The following ACKR5 variants were observed in gnomAD, a reference collection of about 807,000 sequenced individuals.
ACKR5 encodes atypical chemokine receptor 5, also known as G protein-coupled receptor 182.
At chr12:56,994,837 G>C in the ACKR5 span, among the ~76,000 whole-genome samples, 1 of 151,802 alleles carries the variant, frequency 6.6e-6, no homozygotes, top group South Asian at 2.1e-4. Context: ...CAAAAGGGCT[G>C]AGGAATGAAG....
the ACKR5 span, chr12:56,996,814 T>A: frequency 1.1e-5 from 2 of 181,012 alleles, no homozygotes; most frequent in African/African-American, 4.7e-5. Flanking sequence ...CAGTGAACTC[T>A]GCAGGAACCT....
At chr12:56,995,466 G>T in the ACKR5 span, 2 of 1,614,060 alleles carry the variant, frequency 1.2e-6, no homozygotes, top group East Asian at 4.5e-5. This position sits in a 1 kb window ranked among gnomAD's most constrained non-coding sequence, Gnocchi z 4.7. Context: ...GGCCGGGCAG[G>T]GCTGATGAAC....
the ACKR5 span, chr12:56,996,491 G>C: frequency 2.8e-6 from 4 of 1,444,636 alleles, no homozygotes; most frequent in Non-Finnish European, 3.7e-6. Flanking sequence ...GGGAGATTTG[G>C]GGGGATGTAG....
the ACKR5 span, chr12:56,998,139 C>A: frequency 6.6e-6 from 1 of 152,240 alleles, no homozygotes; most frequent in Non-Finnish European, 1.5e-5. Flanking sequence ...CTGACTTGGG[C>A]TACAGGAGTT....
the ACKR5 span, chr12:56,996,367 C>T: frequency 2.5e-6 from 4 of 1,611,152 alleles, no homozygotes; most frequent in East Asian, 2.2e-5. Flanking sequence ...TTCAGGCACA[C>T]CATTTGCTTC....
the ACKR5 span, chr12:56,998,753 T>C: frequency 6.6e-6 from 1 of 152,610 alleles, no homozygotes; most frequent in Non-Finnish European, 1.5e-5. Flanking sequence ...TGGGCAGAAA[T>C]GTGCTGCTGA....
the ACKR5 span, chr12:56,995,903 CCT>C: frequency 6.2e-7 from 1 of 1,612,598 alleles, no homozygotes. This position sits in a 1 kb window ranked among gnomAD's most constrained non-coding sequence, Gnocchi z 4.7. Context: ...GCTGCCCTTC[CCT>C]CTCATCACAG....
chr12:56,996,527 C>T, the ACKR5 span: 1 of 1,016,760 alleles, frequency 9.8e-7, no homozygotes, highest in Non-Finnish European at 1.4e-6. Flanking sequence ...CACTCGTGGT[C>T]AATTTTGAAT....
At chr12:56,995,850 GGGCCCTGGCGGT>G in the ACKR5 span, 1 of 1,613,368 alleles carries the variant, frequency 6.2e-7, no homozygotes, top group South Asian at 1.1e-5. This position sits in a 1 kb window ranked among gnomAD's most constrained non-coding sequence, Gnocchi z 4.7. Flanking sequence ...TACAGCACCT[GGGCCCTGGCGGT>G]GGCCCTGTCC....
the ACKR5 span, chr12:56,995,870 T>A: frequency 1.2e-6 from 2 of 1,612,164 alleles, no homozygotes; most frequent in South Asian, 1.1e-5. The surrounding 1 kb of genome is among the most constrained non-coding windows in gnomAD (Gnocchi z 4.7). Flanking sequence ...GGTGGCCCTG[T>A]CCACCACCAT....
the ACKR5 span, chr12:56,995,527 G>A: frequency 9.3e-6 from 15 of 1,614,032 alleles, no homozygotes; most frequent in Non-Finnish European, 1.3e-5. The surrounding 1 kb of genome is among the most constrained non-coding windows in gnomAD (Gnocchi z 4.7). Context: ...TCCTGTCTCT[G>A]CCCGTGTGGA....
the ACKR5 span, chr12:56,995,206 C>T: frequency 4.3e-6 from 7 of 1,610,726 alleles, no homozygotes; most frequent in Non-Finnish European, 5.9e-6. This position sits in a 1 kb window ranked among gnomAD's most constrained non-coding sequence, Gnocchi z 4.7. Context: ...GTGTGCTGGT[C>T]CCAATGTCAG....
At chr12:56,996,095 C>T in the ACKR5 span, 18 of 1,613,512 alleles carry the variant, frequency 1.1e-5, no homozygotes, top group Non-Finnish European at 8.5e-7. Flanking sequence ...CCACCTGGTC[C>T]ACCTGCTCTA....
the ACKR5 span, chr12:56,995,396 A>G: frequency 6.2e-7 from 1 of 1,614,184 alleles, no homozygotes; most frequent in East Asian, 2.2e-5. This position sits in a 1 kb window ranked among gnomAD's most constrained non-coding sequence, Gnocchi z 4.7. Flanking sequence ...CTACCTGGCC[A>G]TGTTTGTGGT....
At chr12:56,996,448 A>G in the ACKR5 span, 3 of 1,538,658 alleles carry the variant, frequency 1.9e-6, no homozygotes, top group Non-Finnish European at 2.6e-6. Context: ...CTCCTCCAAC[A>G]GTGAAGGAAA....
the ACKR5 span, chr12:56,995,965 G>T: frequency 6.2e-7 from 1 of 1,611,752 alleles, no homozygotes. This position sits in a 1 kb window ranked among gnomAD's most constrained non-coding sequence, Gnocchi z 4.7. Context: ...GACAACCCAA[G>T]AGCCGGCGCC....
chr12:56,995,348 C>T, the ACKR5 span: 1 of 1,614,248 alleles, frequency 6.2e-7, no homozygotes, highest in Non-Finnish European at 8.5e-7. This position sits in a 1 kb window ranked among gnomAD's most constrained non-coding sequence, Gnocchi z 4.7. Context: ...CCACGTGGAG[C>T]TCAGCCAGAG....
At chr12:56,995,579 T>C in the ACKR5 span, 1 of 1,614,174 alleles carries the variant, frequency 6.2e-7, no homozygotes. The surrounding 1 kb of genome is among the most constrained non-coding windows in gnomAD (Gnocchi z 4.7). Context: ...CTGGGGCAGC[T>C]TCTCCTGCCG....
the ACKR5 span, chr12:56,998,574 G>C: frequency 6.6e-6 from 1 of 152,220 alleles, no homozygotes. Context: ...GACACGGGCA[G>C]GGACCCACCA....
Sources: gnomAD v4.1 joint callset for allele counts (sites outside exome capture counted in the v4.1 genomes callset) on GRCh38, gnomAD v4.1.1 for gene constraint, Gnocchi (gnomAD v3.1) non-coding constraint, MANE v1.5 for transcripts, NCBI Gene and HGNC (gene_info 2026-07-23, HGNC 2026-07-21) for gene names.